RASGEF1C: variants seen among roughly 807,000 people sequenced by gnomAD.
RASGEF1C encodes ras-GEF domain-containing family member 1C.
A neutral mutation model predicts 58.1 loss-of-function variants in RASGEF1C; 27 were observed. That is an observed-to-expected ratio of 0.46 (90% CI 0.34 to 0.64). The LOEUF (loss-of-function observed/expected upper bound fraction) is 0.64, where lower values mean the gene tolerates loss of function less well. Among genes scored for constraint, RASGEF1C ranks in the 30% least tolerant of loss-of-function variants. The pLI is 0.01. For synonymous variants in RASGEF1C, 243 were observed against 246.3 expected (o/e 0.99, Z 0.13); for missense variants, 502 against 605.1 (o/e 0.83, Z 1.79).
intron 1 of RASGEF1C, among the ~76,000 whole-genome samples, chr5:180,182,416 A>G (rs1019213997): frequency 6.6e-6 from 1 of 152,046 alleles, no homozygotes; most frequent in Non-Finnish European, 1.5e-5. Context: ...CGCAAGATTT[A>G]TTGTGAAGAC....
chr5:180,164,167 A>G lies in RASGEF1C; in HGVS notation c.-6-26109T>C, dbSNP rs145250893. ...TTGTCAATTGTATTGATCTTTCTAAAGAAACAGCTTTTGGTTTCATTGACG... is the reference window on the plus strand; with the variant it reads ...TTGTCAATTGTATTGATCTTTCTAAGGAAACAGCTTTTGGTTTCATTGACG... On this transcript the variant is annotated intron_variant, in intron 1 of 13. Transcript: ENST00000361132. 7.2e-5 allele frequency among the ~76,000 whole-genome samples: 11 copies of G among 152,334 alleles called. No homozygotes were observed. In the East Asian group the frequency reaches 2.1e-3, roughly 29 times the overall value.
intron 1 of RASGEF1C, among the ~76,000 whole-genome samples, chr5:180,173,855 G>A (rs930849749): frequency 1.3e-5 from 2 of 151,126 alleles, no homozygotes; most frequent in Non-Finnish European, 2.9e-5. Flanking sequence ...GGAGTTTGCA[G>A]TGAGCTGAGA....
chr5:180,190,174 G>A (rs1421373135), intron 1 of RASGEF1C, among the ~76,000 whole-genome samples: 1 of 151,884 alleles, frequency 6.6e-6, no homozygotes, highest in East Asian at 1.9e-4. Flanking sequence ...GGGCAACACA[G>A]TGAGAATCTG....
chr5:180,126,155 C>T (rs1766255171), intron 6 of RASGEF1C, among the ~76,000 whole-genome samples: 1 of 152,212 alleles, frequency 6.6e-6, no homozygotes, highest in Admixed American at 6.5e-5. Flanking sequence ...CGCCTGTAAT[C>T]CCAGCACTTT....
In RASGEF1C at chr5:180,119,353, G is replaced by A; in HGVS notation, c.900C>T (p.Ala300=). 1 of 1,613,294 alleles carries A rather than the reference G, an allele frequency of 6.2e-7. No individual in the cohort carries two copies. Among genetic ancestry groups the A allele is most frequent in the South Asian group, 1.1e-5 (1 of 91,066 alleles). Reference sequence around the variant, plus strand: ...CCAGGCCGGCCCACTCACAGATGATGGCCATGAGGGAGTTGAAGTTGCCGA... The same window carrying A: ...CCAGGCCGGCCCACTCACAGATGATAGCCATGAGGGAGTTGAAGTTGCCGA... ...FNIGNFNSLM[A]IISGMNMSPV... is the part of the protein sequence containing the mutation. The change falls in exon 8 of 14, where the codon GCC becomes GCT. Residue 300 remains alanine (A), a synonymous_variant. Transcript: ENST00000361132.
rs560234103 is a variant in RASGEF1C at position 180,143,382 on chromosome 5, G to A, written c.-6-5324C>T. Among the ~76,000 whole-genome samples the A allele has an allele frequency of 1.3e-5, 2 of 152,332 alleles. No homozygotes were observed. Among genetic ancestry groups the A allele is most frequent in the East Asian group, 1.9e-4 (1 of 5,164 alleles). On this transcript the variant is annotated intron_variant, in intron 1 of 13. Coordinates refer to ENST00000361132, the MANE Select transcript of RASGEF1C (RefSeq NM_175062.4). The surrounding 1 kb of genome is among the most constrained non-coding windows in gnomAD (Gnocchi z 4.3). The stretch of plus-strand genomic sequence containing the variant: ...CAGGGACAGGGGCACCATGTGGTGC[G>A]TTTATAAGGAAGGCCAGCCCTGAAG...
intron 1 of RASGEF1C, among the ~76,000 whole-genome samples, chr5:180,204,220 T>A (rs191240492): frequency 9.2e-5 from 14 of 152,358 alleles, no homozygotes; most frequent in East Asian, 5.8e-4. Flanking sequence ...TTCTGGCCAT[T>A]ATAAGCAATG....
In RASGEF1C at chr5:180,156,758, G is replaced by A. The variant is rs1766856594; in HGVS notation, c.-6-18700C>T. Among the ~76,000 whole-genome samples, 1 of 152,158 alleles carries A rather than the reference G, an allele frequency of 6.6e-6. No homozygotes were observed. The highest frequency in any genetic ancestry group is 1.5e-5 in the Non-Finnish European group (1 of 68,048). ...CTGCACTCCAGCCTGGGCAACCAGAGTGAGACCCTGTCTCAAAAAAAAGTA... is the reference window on the plus strand; with the variant it reads ...CTGCACTCCAGCCTGGGCAACCAGAATGAGACCCTGTCTCAAAAAAAAGTA... On this transcript the variant is annotated intron_variant, in intron 1 of 13. Coordinates refer to ENST00000361132, the MANE Select transcript of RASGEF1C (RefSeq NM_175062.4). This position sits in a 1 kb window ranked among gnomAD's most constrained non-coding sequence, Gnocchi z 4.9.
chr5:180,169,152 A>G (rs893586672), intron 1 of RASGEF1C, among the ~76,000 whole-genome samples: 8 of 152,152 alleles, frequency 5.3e-5, no homozygotes, highest in Non-Finnish European at 8.8e-5. Context: ...TCATTACATT[A>G]ATGTTTATGG....
intron 1 of RASGEF1C, among the ~76,000 whole-genome samples, chr5:180,160,765 T>C (rs1376467880): frequency 2.6e-5 from 4 of 152,114 alleles, no homozygotes; most frequent in Admixed American, 6.5e-5. Context: ...CAAGAAGCCA[T>C]GCACAGCTTG....
At chr5:180,190,919 C>A (rs903188926) in intron 1 of RASGEF1C, among the ~76,000 whole-genome samples, 2 of 152,050 alleles carry the variant, frequency 1.3e-5, no homozygotes, top group African/African-American at 4.8e-5. Flanking sequence ...TTATAGATTA[C>A]CTATTTGATG....
In RASGEF1C at chr5:180,128,399, G is replaced by T. The variant is rs757178678; in HGVS notation, c.639+11C>A. 5 of 1,611,792 alleles carry T rather than the reference G, an allele frequency of 3.1e-6. No individual in the cohort carries two copies. In the South Asian group the frequency reaches 4.4e-5, roughly 14 times the overall value. On this transcript the variant is annotated intron_variant, in intron 5 of 13. Coordinates refer to ENST00000361132, the MANE Select transcript of RASGEF1C (RefSeq NM_175062.4). Reference sequence around the variant, plus strand: ...AATCCCGGGTGAGGAAGGTGGTTTGGGCCGGCTTACCAGTTCCACGTGGGT... The same window carrying T: ...AATCCCGGGTGAGGAAGGTGGTTTGTGCCGGCTTACCAGTTCCACGTGGGT...
intron 1 of RASGEF1C, among the ~76,000 whole-genome samples, chr5:180,170,813 CG>C (rs1019823772): frequency 1.1e-4 from 17 of 152,342 alleles, no homozygotes; most frequent in African/African-American, 4.1e-4. Flanking sequence ...TGGCATACCC[CG>C]GTCCTGCTCC....
At chr5:180,159,870 C>T (rs566273143) in intron 1 of RASGEF1C, among the ~76,000 whole-genome samples, 39 of 152,362 alleles carry the variant, frequency 2.6e-4, no homozygotes, top group African/African-American at 9.1e-4. Context: ...CTGATGCTCT[C>T]TTGCCAGCGG....
chr5:180,140,239 C>A (rs956658417), intron 1 of RASGEF1C, among the ~76,000 whole-genome samples: 2 of 152,198 alleles, frequency 1.3e-5, no homozygotes, highest in African/African-American at 4.8e-5. Flanking sequence ...AGGGGCTGGG[C>A]TGCCAGTGGT....
intron 1 of RASGEF1C, among the ~76,000 whole-genome samples, chr5:180,146,573 T>C (rs1324198869): frequency 6.6e-6 from 1 of 152,132 alleles, no homozygotes; most frequent in South Asian, 2.1e-4. Context: ...TCAATTGAAA[T>C]GATCATGTGT....
intron 10 of RASGEF1C, among the ~76,000 whole-genome samples, chr5:180,117,990 T>C (rs1240570534): frequency 1.6e-5 from 1 of 62,300 alleles, no homozygotes; most frequent in African/African-American, 7.3e-5. Context: ...AGAGACTCCA[T>C]CTCCAAAAAA....
intron 1 of RASGEF1C, 155 bp from the exon 2 acceptor site, chr5:180,138,213 A>G (rs1766520197): frequency 4.0e-6 from 2 of 495,830 alleles, no homozygotes; most frequent in Non-Finnish European, 3.5e-6. Flanking sequence ...TCCTGGGAGT[A>G]TTGTCAGGGC....
At chr5:180,174,579 TGTGC>T (rs1170799690) in intron 1 of RASGEF1C, among the ~76,000 whole-genome samples, 1 of 149,406 alleles carries the variant, frequency 6.7e-6, no homozygotes, top group Non-Finnish European at 1.5e-5. Flanking sequence ...TGTGTCTGTG[TGTGC>T]GCACGTGTGT....
Sources: allele counts gnomAD v4.1 joint callset (sites outside exome capture counted in the v4.1 genomes callset), GRCh38; gene constraint gnomAD v4.1.1; non-coding constraint Gnocchi (gnomAD v3.1); transcripts MANE v1.5; gene names NCBI Gene and HGNC (gene_info 2026-07-23, HGNC 2026-07-21).